The following CCDC170 variants were observed in gnomAD, a reference collection of about 807,000 sequenced individuals.
The protein encoded by CCDC170 is coiled-coil domain containing 170.
CCDC170 carries 69 observed loss-of-function variants against 72.6 expected under a neutral mutation model. That is an observed-to-expected ratio of 0.95 (90% CI 0.78 to 1.16). The LOEUF is 1.16. Ranked by LOEUF, CCDC170 falls within the 50% of genes most tolerant of loss-of-function variation. CCDC170 has a pLI of 0.00. For missense variants in CCDC170, 852 were observed against 832.5 expected (o/e 1.02, Z -0.29); for synonymous variants, 300 against 303.9 (o/e 0.99, Z 0.13).
chr6:151,548,547 A>C, intron 5 of CCDC170, 58 bp downstream of exon 5: 1 of 1,420,976 alleles, frequency 7.0e-7, no homozygotes, highest in South Asian at 1.7e-5. Flanking sequence ...GCAGAAATGG[A>C]AGAGATGGAT....
At chr6:151,509,594 A>C (rs1374512759) in intron 1 of CCDC170, among the ~76,000 whole-genome samples, 2 of 152,358 alleles carry the variant, frequency 1.3e-5, no homozygotes, top group East Asian at 1.9e-4. Context: ...CAATCTGTAC[A>C]TTTATGAATG....
chr6:151,570,699 C>A (rs1776205033), intron 5 of CCDC170, among the ~76,000 whole-genome samples: 1 of 152,108 alleles, frequency 6.6e-6, no homozygotes, highest in Admixed American at 6.5e-5. Flanking sequence ...AAATATGCCC[C>A]AATTTATTAT....
intron 9 of CCDC170, among the ~76,000 whole-genome samples, chr6:151,606,033 C>G (rs1473562711): frequency 2.0e-5 from 3 of 151,856 alleles, no homozygotes; most frequent in African/African-American, 7.3e-5. Flanking sequence ...ACCCAAGTAG[C>G]TGGGATTACA....
rs759814650 is a variant in CCDC170 at position 151,548,412 on chromosome 6, A to G, written c.697A>G (p.Met233Val). Residue 233 changes from methionine to valine, a missense_variant, in exon 5 of 11, where the codon ATG becomes GTG. Physicochemically the swap from Met to Val is conservative, Grantham distance 21. Coordinates refer to ENST00000239374, the MANE Select transcript of CCDC170 (RefSeq NM_025059.4). ...MEAKASRETIMRLASEVNREQ... is the reference protein window; with the variant it reads ...MEAKASRETIVRLASEVNREQ... Reference sequence around the variant, plus strand: ...AGCAAAAGCTAGCAGAGAAACGATCATGAGGCTGGCTTCAGAAGTCAACAG... The same window carrying G: ...AGCAAAAGCTAGCAGAGAAACGATCGTGAGGCTGGCTTCAGAAGTCAACAG... The G allele has an allele frequency of 1.9e-6, 3 of 1,613,188 alleles. No individual in the cohort carries two copies. The highest frequency in any genetic ancestry group is 1.3e-5 in the African/African-American group (1 of 75,042).
chr6:151,573,194 A>C lies in CCDC170; in HGVS notation c.795A>C (p.Glu265Asp). 1 of 1,613,620 alleles carries C rather than the reference A, an allele frequency of 6.2e-7. No homozygotes were observed. Among genetic ancestry groups the C allele is most frequent in the Non-Finnish European group, 8.5e-7 (1 of 1,179,904 alleles). Residue 265 changes from glutamate to aspartate, a missense_variant, in exon 6 of 11, where the codon GAA (glutamate) becomes GAC (aspartate). Coordinates refer to ENST00000239374, the MANE Select transcript of CCDC170 (RefSeq NM_025059.4). The stretch of plus-strand genomic sequence containing the variant: ...TTTAGGACCTGCTCAGTGCTGTAGA[A>C]GCAAAAGAAGCTCTTGAAAGGGAAG... ...KLNQDLLSAV[E>D]AKEALEREVK... is the part of the protein sequence containing the mutation.
At chr6:151,613,309 A>T (rs1409742208) in intron 9 of CCDC170, among the ~76,000 whole-genome samples, 23 of 152,226 alleles carry the variant, frequency 1.5e-4, no homozygotes, top group Non-Finnish European at 2.9e-5. Context: ...AAGCTGAGGC[A>T]CAAGAATTGC....
chr6:151,591,517 C>G (rs978194482), intron 7 of CCDC170, among the ~76,000 whole-genome samples: 1 of 150,776 alleles, frequency 6.6e-6, no homozygotes, highest in Non-Finnish European at 1.5e-5. Context: ...TTTTTTGAGG[C>G]GGAGTCTTGC....
At chr6:151,532,918 G>T (rs1215417428) in intron 1 of CCDC170, among the ~76,000 whole-genome samples, 1 of 152,216 alleles carries the variant, frequency 6.6e-6, no homozygotes, top group Non-Finnish European at 1.5e-5. Flanking sequence ...GTCTGTGTTT[G>T]TCTGTAGGCA....
chr6:151,615,369 T>C, intron 9 of CCDC170, 74 bp from the exon 10 acceptor site: 1 of 1,040,364 alleles, frequency 9.6e-7, no homozygotes. Context: ...TCCATTGACT[T>C]CTGATTTGTC....
At chr6:151,537,564 A>G (rs778932922) in intron 2 of CCDC170, among the ~76,000 whole-genome samples, 2 of 152,044 alleles carry the variant, frequency 1.3e-5, no homozygotes, top group Non-Finnish European at 1.5e-5. Flanking sequence ...TTTAAATGTT[A>G]TTTTTATTTA....
At chr6:151,605,341 G>A (rs936140610) in intron 9 of CCDC170, among the ~76,000 whole-genome samples, 6 of 152,186 alleles carry the variant, frequency 3.9e-5, no homozygotes, top group East Asian at 3.9e-4. Context: ...GGGAAATGTC[G>A]CAAAGGGGAT....
intron 2 of CCDC170, among the ~76,000 whole-genome samples, chr6:151,537,330 T>C (rs991167753): frequency 6.6e-6 from 1 of 152,094 alleles, no homozygotes; most frequent in African/African-American, 2.4e-5. Context: ...GAACGATGAG[T>C]TGATAATGTG....
intron 1 of CCDC170, among the ~76,000 whole-genome samples, chr6:151,511,705 T>C (rs1269782788): frequency 3.3e-5 from 5 of 152,236 alleles, no homozygotes; most frequent in Non-Finnish European, 5.9e-5. Context: ...TCACGGAGCT[T>C]ACATTCTAGT....
At chr6:151,573,793 C>A (rs981082229) in intron 6 of CCDC170, among the ~76,000 whole-genome samples, 10 of 152,186 alleles carry the variant, frequency 6.6e-5, no homozygotes, top group African/African-American at 2.4e-4. Flanking sequence ...TATTCTCTAT[C>A]ACAAGAACAG....
At chr6:151,551,590 T>C (rs1194198593) in intron 5 of CCDC170, among the ~76,000 whole-genome samples, 1 of 152,158 alleles carries the variant, frequency 6.6e-6, no homozygotes, top group East Asian at 1.9e-4. Context: ...CCAGGGGCCA[T>C]GGTGTGAGGT....
intron 1 of CCDC170, among the ~76,000 whole-genome samples, chr6:151,506,654 A>G (rs888832293): frequency 6.6e-6 from 1 of 151,986 alleles, no homozygotes; most frequent in African/African-American, 2.4e-5. Context: ...TTAAGACCAC[A>G]CTCTTTTGGA....
intron 6 of CCDC170, among the ~76,000 whole-genome samples, chr6:151,582,521 A>G (rs1224406265): frequency 6.6e-6 from 1 of 152,204 alleles, no homozygotes; most frequent in Non-Finnish European, 1.5e-5. Flanking sequence ...CATATCAGCA[A>G]TAAGGCTGTT....
At chr6:151,527,827 G>T (rs1782434564) in intron 1 of CCDC170, among the ~76,000 whole-genome samples, 1 of 152,150 alleles carries the variant, frequency 6.6e-6, no homozygotes, top group African/African-American at 2.4e-5. Context: ...TTGGTTATGG[G>T]ATAGAATGAT....
chr6:151,536,483 T>G (rs1330018727), intron 2 of CCDC170, 37 bp downstream of exon 2: 1 of 1,607,062 alleles, frequency 6.2e-7, no homozygotes, highest in Admixed American at 1.7e-5. Flanking sequence ...GAAATGGGCC[T>G]TCTTAGCTTC....
Sources: gnomAD v4.1 joint callset for allele counts (sites outside exome capture counted in the v4.1 genomes callset) on GRCh38, gnomAD v4.1.1 for gene constraint, MANE v1.5 for transcripts, NCBI Gene and HGNC (gene_info 2026-07-23, HGNC 2026-07-21) for gene names.